Variants in UGT1A7 observed in about 807,000 individuals in gnomAD.
UGT1A7 encodes the protein UDP glucuronosyltransferase family 1 member A7.
In UGT1A7, 33 loss-of-function variants were observed where a neutral mutation model predicts 45.6. The ratio of observed to expected loss-of-function variants is 0.72; its 90% confidence interval spans 0.55 to 0.97. The LOEUF (loss-of-function observed/expected upper bound fraction) is 0.97. UGT1A7 is among the 50% of genes least tolerant of loss of function. The pLI, the probability that UGT1A7 is intolerant of heterozygous loss-of-function variation, is 0.00. For synonymous variants in UGT1A7, 274 were observed against 250.6 expected (o/e 1.09, Z -0.88); for missense variants, 684 against 666.2 (o/e 1.03, Z -0.29).
At chr2:233,720,640 G>A (rs1212393027) in intron 1 of UGT1A7, among the ~76,000 whole-genome samples, 3 of 151,716 alleles carry the variant, frequency 2.0e-5, no homozygotes, top group Non-Finnish European at 4.4e-5. Context: ...TAGTACTCTG[G>A]GATGTGAAAA....
intron 1 of UGT1A7, among the ~76,000 whole-genome samples, chr2:233,739,348 G>C (rs1455435875): frequency 6.6e-6 from 1 of 152,152 alleles, no homozygotes. Context: ...GAACCCAGAA[G>C]GGCAGATCCA....
In UGT1A7 at chr2:233,682,591, A is replaced by T. The variant is rs747574458; in HGVS notation, c.654A>T (p.Leu218Phe). The part of the protein sequence containing the change: ...WNHIMHLEEH[L>F]FCPYFFKNVL... The stretch of plus-strand genomic sequence containing the variant: ...ACATCATGCACTTGGAGGAACATTT[A>T]TTTTGCCCCTATTTTTTCAAAAATG... The change falls in exon 1 of 5, where the codon TTA (leucine) becomes TTT (phenylalanine). Residue 218 changes from leucine (L) to phenylalanine (F), a missense_variant. Leu to Phe is a conservative substitution (Grantham distance 22). Transcript: ENST00000373426. The T allele has an allele frequency of 4.3e-6, 7 of 1,613,826 alleles. No homozygotes were observed. The South Asian group carries it at 7.7e-5, about 18-fold the overall frequency.
intron 1 of UGT1A7, among the ~76,000 whole-genome samples, chr2:233,707,826 T>C (rs1049405798): frequency 1.3e-5 from 2 of 152,232 alleles, no homozygotes; most frequent in African/African-American, 2.4e-5. Context: ...ATATCATTAA[T>C]TTAATAAGAT....
chr2:233,711,476 T>G (rs2076182629), intron 1 of UGT1A7, among the ~76,000 whole-genome samples: 1 of 152,172 alleles, frequency 6.6e-6, no homozygotes, highest in African/African-American at 2.4e-5. Context: ...GAGGCTGAGA[T>G]GTTGCACCCA....
intron 1 of UGT1A7, chr2:233,760,942 C>T: frequency 6.2e-7 from 1 of 1,614,210 alleles, no homozygotes. Flanking sequence ...TGCCTTTTCA[C>T]AGAACTTTCT....
intron 1 of UGT1A7, chr2:233,747,572 A>G (rs968411318): frequency 5.2e-5 from 82 of 1,588,740 alleles, no homozygotes; most frequent in Non-Finnish European, 6.5e-5. Context: ...TGAAAAATTC[A>G]TCTTTGGTCT....
intron 1 of UGT1A7, chr2:233,753,586 C>G (rs1242811464): frequency 6.6e-6 from 1 of 152,168 alleles, no homozygotes; most frequent in Admixed American, 6.5e-5. Context: ...GATGGACTAC[C>G]CCAAGGCAAT....
In UGT1A7 at chr2:233,704,113, A is replaced by T. The variant is rs1013421072; in HGVS notation, c.855+21321A>T. 1.2e-4 allele frequency among the ~76,000 whole-genome samples: 18 copies of T among 149,824 alleles called. 1 individual carries two copies. On this transcript the variant is annotated intron_variant, in intron 1 of 4. Transcript: ENST00000373426. ...GCCATGTTGGTCAGTCTGGTCTCAA[A>T]CTCCTTACCTCAAGTGATCCACCCG... is the stretch of plus-strand genomic sequence containing the variant.
chr2:233,758,146 A>G (rs1260919985), intron 1 of UGT1A7, among the ~76,000 whole-genome samples: 1 of 152,228 alleles, frequency 6.6e-6, no homozygotes, highest in Non-Finnish European at 1.5e-5. Flanking sequence ...TGAGGGAATT[A>G]GCAATGGGTT....
At chr2:233,767,542 T>C (rs1158948915) in intron 2 of UGT1A7, among the ~76,000 whole-genome samples, 1 of 152,274 alleles carries the variant, frequency 6.6e-6, no homozygotes, top group African/African-American at 2.4e-5. Context: ...TTTCTGCTCT[T>C]ATAGTTCTGC....
intron 1 of UGT1A7, among the ~76,000 whole-genome samples, chr2:233,727,606 A>T (rs554046773): frequency 6.6e-6 from 1 of 152,298 alleles, no homozygotes; most frequent in Admixed American, 6.5e-5. Flanking sequence ...TTGGAGGAAT[A>T]GTTCAGAGGC....
intron 2 of UGT1A7, 50 bp from the exon 3 acceptor site, chr2:233,767,799 T>A (rs1699488429): frequency 6.2e-7 from 1 of 1,614,032 alleles, no homozygotes. Context: ...ATTTGTTTTC[T>A]AATCATATTA....
chr2:233,693,656 G>A (rs764049007), intron 1 of UGT1A7: 1 of 1,614,020 alleles, frequency 6.2e-7, no homozygotes, highest in Admixed American at 1.7e-5. Context: ...TAATTTGTTG[G>A]AGCCCTATCT....
At chr2:233,711,690 G>A (rs1409150978) in intron 1 of UGT1A7, among the ~76,000 whole-genome samples, 1 of 152,202 alleles carries the variant, frequency 6.6e-6, no homozygotes, top group Non-Finnish European at 1.5e-5. Flanking sequence ...TCTAATGGGG[G>A]TAACTTCCTC....
intron 4 of UGT1A7, 140 bp downstream of exon 4, chr2:233,768,579 CTTCTT>C (rs1699651499): frequency 9.6e-6 from 9 of 934,870 alleles, no homozygotes; most frequent in Non-Finnish European, 1.1e-5. Flanking sequence ...ATTTTTATTT[CTTCTT>C]TTTTTTTTTT....
At chr2:233,695,664 CAT>C (rs1168310101) in intron 1 of UGT1A7, among the ~76,000 whole-genome samples, 1 of 151,980 alleles carries the variant, frequency 6.6e-6, no homozygotes, top group Non-Finnish European at 1.5e-5. Context: ...TAAATGAGAA[CAT>C]GTGGTATTTG....
chr2:233,713,909 A>T (rs1191711784), intron 1 of UGT1A7: 23 of 1,612,758 alleles, frequency 1.4e-5, no homozygotes, highest in South Asian at 2.2e-5. Context: ...AACACTTTTT[A>T]AAAAATGTAT....
rs536544989 is a variant in UGT1A7 at position 233,747,339 on chromosome 2, C to T, written c.856-19695C>T. 4.1e-5 allele frequency: 65 copies of T among 1,603,348 alleles called. 1 individual carries two copies. The highest frequency in any genetic ancestry group is 5.4e-5 in the African/African-American group (4 of 74,450). ...TACCCATTGATGGCAGCCACTGGCT[C>T]GCATGCGGGAGGCCGTGCGGGAGCT... On this transcript the variant is annotated intron_variant, in intron 1 of 4. Transcript: ENST00000373426.
chr2:233,683,154 T>G (rs2074620645), intron 1 of UGT1A7, among the ~76,000 whole-genome samples: 3 of 152,308 alleles, frequency 2.0e-5, no homozygotes, highest in Admixed American at 1.3e-4. Flanking sequence ...TGTTTTCAAT[T>G]TTTTTGAAAT....
Sources: gnomAD v4.1 joint callset for allele counts (sites outside exome capture counted in the v4.1 genomes callset) on GRCh38, gnomAD v4.1.1 for gene constraint, MANE v1.5 for transcripts, NCBI Gene and HGNC (gene_info 2026-07-23, HGNC 2026-07-21) for gene names.